GAREM2: variants seen among roughly 807,000 people sequenced by gnomAD.
GAREM2 encodes GRB2-associated and regulator of MAPK protein 2.
GAREM2 carries 30 observed loss-of-function variants against 55.6 expected under a neutral mutation model. That is an observed-to-expected ratio of 0.54 (90% CI 0.40 to 0.73). The LOEUF (loss-of-function observed/expected upper bound fraction) is 0.73. Ranked by LOEUF, GAREM2 falls within the 30% of genes least tolerant of loss-of-function variation. The pLI, the probability that GAREM2 is intolerant of heterozygous loss-of-function variation, is 0.00. For missense variants in GAREM2, 1,075 were observed against 1,257.7 expected (o/e 0.85, Z 2.20); for synonymous variants, 550 against 569.1 (o/e 0.97, Z 0.48).
At chr2:26,192,269 GA>G, downstream of GAREM2, 1 of 1,031,480 alleles carries the variant, frequency 9.7e-7, no homozygotes, top group South Asian at 1.3e-5. Context: ...GGCTGTCAGA[GA>G]AAGTCAATTT....
At position 26,184,837 on chromosome 2, in the gene GAREM2, T is replaced by G; in HGVS notation, c.989T>G (p.Leu330Arg). The G allele has an allele frequency of 6.8e-7, 1 of 1,480,762 alleles. No homozygotes were observed. Among genetic ancestry groups the G allele is most frequent in the South Asian group, 1.3e-5 (1 of 78,072 alleles). The allele number at this position is 1,480,762 out of a possible 1,614,324, so 91.7% of individuals were successfully genotyped here. Residue 330 changes from leucine (L) to arginine (R), a missense_variant, in exon 4 of 6, where the codon CTG becomes CGG. Leu to Arg is a moderately radical substitution (Grantham distance 102, BLOSUM62 -2). Coordinates refer to ENST00000401533, the MANE Select transcript of GAREM2 (RefSeq NM_001168241.2). ...DTPRFALPQG[L>R]LAGDPRVERL... is the part of the protein sequence containing the mutation. ...CCGCGCTTCGCGCTGCCGCAGGGCC[T>G]GCTGGCCGGGGACCCGCGCGTCGAG...
At chr2:26,194,516 A>T (rs1669605709), downstream of GAREM2, 1 of 1,047,144 alleles carries the variant, frequency 9.5e-7, no homozygotes, top group Non-Finnish European at 1.5e-6. Context: ...CATGAGTTTT[A>T]GAGTGACTGA....
At position 26,185,108 on chromosome 2, in the gene GAREM2, C is replaced by G. The variant is rs764641979; in HGVS notation, c.1260C>G (p.Pro420=). 9.0e-6 allele frequency: 13 copies of G among 1,443,608 alleles called. No homozygotes were observed. The highest frequency in any genetic ancestry group is 1.5e-5 in the African/African-American group (1 of 67,128). 89.4% of individuals were successfully genotyped at this position (1,443,608 alleles called of 1,614,324 possible). Residue 420 remains proline (P), a synonymous_variant, in exon 4 of 6, where the codon CCC becomes CCG. Transcript: ENST00000401533. ...VSPDWAAAPE[P]AAPPAEIPYE... is the part of the protein sequence containing the mutation. ...CCGACTGGGCAGCCGCGCCCGAGCC[C>G]GCCGCGCCGCCCGCCGAGATCCCCT...
At chr2:26,174,005 C>G (rs964462586) in intron 1 of GAREM2, among the ~76,000 whole-genome samples, 1 of 142,922 alleles carries the variant, frequency 7.0e-6, no homozygotes, top group African/African-American at 2.6e-5. Context: ...AGGGTACGCC[C>G]GGAGGCTGCA....
chr2:26,201,751 G>C, the GAREM2 span, among the ~76,000 whole-genome samples: 1 of 152,054 alleles, frequency 6.6e-6, no homozygotes, highest in East Asian at 1.9e-4. Flanking sequence ...TTTGCTTATC[G>C]CAAATATATA....
chr2:26,191,750 G>A, downstream of GAREM2: 1 of 983,176 alleles, frequency 1.0e-6, no homozygotes, highest in Non-Finnish European at 1.6e-6. Context: ...GTTGGTGCTG[G>A]CCCTCAGAGA....
chr2:26,188,155 T>C lies in GAREM2; in HGVS notation c.2523T>C (p.Phe841=). 6.4e-7 allele frequency: 1 copy of C among 1,551,010 alleles called. No homozygotes were observed. The highest frequency in any genetic ancestry group is 2.0e-5 in the Admixed American group (1 of 50,912). The part of the protein sequence containing the change: ...FARERIDGSI[F]VQLSEDILAD... Reference sequence around the variant, plus strand: ...GAGAACGCATCGATGGTAGCATCTTTGTGCAGCTCAGTGAGGACATCCTGG... The same window carrying C: ...GAGAACGCATCGATGGTAGCATCTTCGTGCAGCTCAGTGAGGACATCCTGG... The change falls in exon 6 of 6, where the codon TTT becomes TTC. Residue 841 remains phenylalanine, a synonymous_variant. Transcript: ENST00000401533.
Position 26,177,969 on chromosome 2 carries a change from AC to A in GAREM2, c.253+1490del, listed in dbSNP as rs1186460410. 5.9e-5 allele frequency among the ~76,000 whole-genome samples: 9 copies of A among 151,598 alleles called. No homozygotes were observed. In the East Asian group the frequency reaches 1.6e-3, roughly 26 times the overall value. On this transcript the variant is annotated intron_variant, in intron 2 of 5. Transcript: ENST00000401533. Reference sequence around the variant, plus strand: ...CTGCTGTGCCCAGCTGCTCCTGACAACCCCCTCACCAAGGCTGGGAAGGTCC... The same window carrying A: ...CTGCTGTGCCCAGCTGCTCCTGACAACCCCTCACCAAGGCTGGGAAGGTCC...
intron 3 of GAREM2, among the ~76,000 whole-genome samples, chr2:26,184,016 G>A (rs1669137862): frequency 6.6e-6 from 1 of 152,290 alleles, no homozygotes; most frequent in Non-Finnish European, 1.5e-5. Context: ...AGAGTTATCA[G>A]ATATGGTCGC....
intron 3 of GAREM2, among the ~76,000 whole-genome samples, chr2:26,183,439 G>A (rs927290557): frequency 2.0e-5 from 3 of 152,250 alleles, no homozygotes; most frequent in Non-Finnish European, 2.9e-5. Flanking sequence ...GACCCCTGCT[G>A]TGGGGTGGGA....
rs1467091116 is a variant in GAREM2 at position 26,179,138 on chromosome 2, G to A, written c.253+2654G>A. ...GGGGTGACTCGGTCTCCAGGCTGCGGCGCTCTGCTCCGGGAGTCAGGGAGA... is the reference window on the plus strand; with the variant it reads ...GGGGTGACTCGGTCTCCAGGCTGCGACGCTCTGCTCCGGGAGTCAGGGAGA... On this transcript the variant is annotated intron_variant, in intron 2 of 5. Coordinates refer to ENST00000401533, the MANE Select transcript of GAREM2 (RefSeq NM_001168241.2). The surrounding 1 kb of genome is among the most constrained non-coding windows in gnomAD (Gnocchi z 4.7). Among the ~76,000 whole-genome samples the A allele has an allele frequency of 1.3e-5, 2 of 152,162 alleles. No homozygotes were observed. Among genetic ancestry groups the A allele is most frequent in the East Asian group, 1.9e-4 (1 of 5,176 alleles).
intron 5 of GAREM2, 52 bp downstream of exon 5, chr2:26,186,410 G>A (rs1164791610): frequency 1.1e-5 from 16 of 1,505,876 alleles, no homozygotes; most frequent in Non-Finnish European, 1.4e-5. Context: ...TCAAGGCAGG[G>A]AAGGGTGAGG....
Position 26,182,972 on chromosome 2 carries a change from T to C in GAREM2, c.259T>C (p.Phe87Leu). Residue 87 changes from phenylalanine to leucine, a missense_variant, in exon 3 of 6, where the codon TTC becomes CTC. Around this residue, in one of 6 missense-constraint regions of GAREM2, gnomAD observed 230 missense variants for 310.6 expected, o/e 0.74. Coordinates refer to ENST00000401533, the MANE Select transcript of GAREM2 (RefSeq NM_001168241.2). ...TTTTGTCACCCACTATGCAGGGAAG[T>C]TCAAGCTCCTGGAACAGGCCCGGGA... ...IDIPLQYPGK[F>L]KLLEQARDVR... 1 of 1,551,532 alleles carries C rather than the reference T, an allele frequency of 6.4e-7. No homozygotes were observed. The highest frequency in any genetic ancestry group is 8.7e-7 in the Non-Finnish European group (1 of 1,146,928).
downstream of GAREM2, among the ~76,000 whole-genome samples, chr2:26,193,928 A>G (rs1004585840): frequency 5.9e-5 from 9 of 152,226 alleles, no homozygotes; most frequent in African/African-American, 2.2e-4. Flanking sequence ...TCAGGGAAGC[A>G]CAAAGAAGTT....
chr2:26,187,352 C>G lies in GAREM2; in HGVS notation c.1720C>G (p.Leu574Val). ...CTCTAGCCGCCCAGCCCCCGGTCCCCTACCCTCAACCACACAGCCCAGCCA... is the reference window on the plus strand; with the variant it reads ...CTCTAGCCGCCCAGCCCCCGGTCCCGTACCCTCAACCACACAGCCCAGCCA... The part of the protein sequence containing the change: ...ESSSRPAPGP[L>V]PSTTQPSQAS... Residue 574 changes from leucine (L) to valine (V), a missense_variant, in exon 6 of 6, where the codon CTA becomes GTA. Leu to Val is a conservative substitution (Grantham distance 32, BLOSUM62 1). Around this residue, in one of 6 missense-constraint regions of GAREM2, gnomAD observed 515 missense variants for 501.5 expected, o/e 1.03. Coordinates refer to ENST00000401533, the MANE Select transcript of GAREM2 (RefSeq NM_001168241.2). 1 of 1,546,134 alleles carries G rather than the reference C, an allele frequency of 6.5e-7. No homozygotes were observed. The highest frequency in any genetic ancestry group is 8.7e-7 in the Non-Finnish European group (1 of 1,144,182).
At chr2:26,180,816 C>T in intron 2 of GAREM2, 2 of 587,992 alleles carry the variant, frequency 3.4e-6, no homozygotes, top group Non-Finnish European at 4.3e-6. Flanking sequence ...TGGGGTTTCA[C>T]CATGTTGGCC....
At chr2:26,199,254 G>A in the GAREM2 span, 1 of 152,354 alleles carries the variant, frequency 6.6e-6, no homozygotes, top group Non-Finnish European at 1.5e-5. Flanking sequence ...CATAGTCCTA[G>A]TTACTCAGGA....
At chr2:26,174,152 C>T (rs1440960420) in intron 1 of GAREM2, among the ~76,000 whole-genome samples, 1 of 152,194 alleles carries the variant, frequency 6.6e-6, no homozygotes, top group Admixed American at 6.5e-5. Context: ...CACTCGCTTC[C>T]ATGAATGCTA....
chr2:26,191,253 C>T (rs779065171), downstream of GAREM2: 1 of 1,612,352 alleles, frequency 6.2e-7, no homozygotes, highest in African/African-American at 1.3e-5. Context: ...GGCCTGCTCA[C>T]TGGTAGAACT....
Sources: allele counts gnomAD v4.1 joint callset (sites outside exome capture counted in the v4.1 genomes callset), GRCh38; gene constraint gnomAD v4.1.1; regional missense constraint gnomAD v4.1.1; non-coding constraint Gnocchi (gnomAD v3.1); transcripts MANE v1.5; gene names NCBI Gene and HGNC (gene_info 2026-07-23, HGNC 2026-07-21).